CYP3A43: variants seen among roughly 807,000 people sequenced by gnomAD.
CYP3A43 encodes cytochrome P450 3A43.
In CYP3A43, 45 loss-of-function variants were observed where a neutral mutation model predicts 58.0. That is an observed-to-expected ratio of 0.78 (90% CI 0.61 to 0.99). The LOEUF (loss-of-function observed/expected upper bound fraction) is 0.99, where lower values mean the gene tolerates loss of function less well. Among genes scored for constraint, CYP3A43 ranks in the 50% least tolerant of loss-of-function variants. CYP3A43 has a pLI of 0.00. For missense variants in CYP3A43, 593 were observed against 591.9 expected (o/e 1.00, Z -0.02); for synonymous variants, 191 against 201.4 (o/e 0.95, Z 0.44).
chr7:99,846,203 T>G (rs1330228380), intron 4 of CYP3A43, among the ~76,000 whole-genome samples: 1 of 152,258 alleles, frequency 6.6e-6, no homozygotes, highest in Non-Finnish European at 1.5e-5. Flanking sequence ...TTTACTACAT[T>G]GAGTCTTTCA....
chr7:99,847,934 T>G (rs563997581), intron 5 of CYP3A43: 1 of 555,546 alleles, frequency 1.8e-6, no homozygotes, highest in Non-Finnish European at 3.2e-6. Context: ...ATTGTTTGAA[T>G]CTAGAGGCGG....
Position 99,847,568 on chromosome 7 carries a change from A to G in CYP3A43, c.399A>G (p.Leu133=). 1 of 1,614,046 alleles carries G rather than the reference A, an allele frequency of 6.2e-7. No homozygotes were observed. The highest frequency in any genetic ancestry group is 8.5e-7 in the Non-Finnish European group (1 of 1,179,954). ...AATGGAAGAGAATACGAACATTGCT[A>G]TCTCCAGCTTTCACCAGTGTAAAAT... is the stretch of plus-strand genomic sequence containing the variant. ...DEEWKRIRTL[L]SPAFTSVKFK... is the part of the protein sequence containing the mutation. The change falls in exon 5 of 13, where the codon CTA becomes CTG. Residue 133 remains leucine (L), a synonymous_variant. Transcript: ENST00000354829.
In CYP3A43 at chr7:99,859,952, A is replaced by G; in HGVS notation, c.988A>G (p.Lys330Glu). The G allele has an allele frequency of 6.2e-7, 1 of 1,612,676 alleles. No individual in the cohort carries two copies. Among genetic ancestry groups the G allele is most frequent in the Non-Finnish European group, 8.5e-7 (1 of 1,179,370 alleles). ...ELATHPDVQQ[K>E]LQEEIDAVLP... is the part of the protein sequence containing the mutation. ...GGCCACTCACCCTGATGTCCAGCAG[A>G]AACTGCAGGAGGAGATTGACGCAGT... Residue 330 changes from lysine to glutamate, a missense_variant, in exon 10 of 13, where the codon AAA becomes GAA. Coordinates refer to ENST00000354829, the MANE Select transcript of CYP3A43 (RefSeq NM_057095.3).
intron 4 of CYP3A43, among the ~76,000 whole-genome samples, chr7:99,846,557 A>G (rs981027459): frequency 1.3e-5 from 2 of 152,158 alleles, no homozygotes; most frequent in African/African-American, 4.8e-5. Context: ...CTTGCCGTCC[A>G]ATCTGTATGC....
At chr7:99,838,946 C>A in intron 2 of CYP3A43, 174 bp from the exon 3 acceptor site, 1 of 748,570 alleles carries the variant, frequency 1.3e-6, no homozygotes, top group Non-Finnish European at 2.1e-6. Context: ...CACCATTGCA[C>A]TCCAGCCTGG....
Position 99,863,517 on chromosome 7 carries a change from ATG to A in CYP3A43, c.1254-18_1254-17del. On this transcript the variant is annotated intron_variant, in intron 11 of 12. Transcript: ENST00000354829. ...TTTTATGTTTCATTAACTAGTTTTT[ATG>A]TACTACTGTGAAAGTAGGTTCAGTA... 6.4e-7 allele frequency: 1 copy of A among 1,568,468 alleles called. No individual in the cohort carries two copies. The highest frequency in any genetic ancestry group is 8.6e-7 in the Non-Finnish European group (1 of 1,158,584).
At chr7:99,864,747 T>A (rs1467554231) in intron 12 of CYP3A43, among the ~76,000 whole-genome samples, 1 of 148,684 alleles carries the variant, frequency 6.7e-6, no homozygotes, top group Admixed American at 6.6e-5. Context: ...TGATTTGGAG[T>A]TCTTGGATAC....
intron 3 of CYP3A43, among the ~76,000 whole-genome samples, chr7:99,840,561 G>T (rs1197613218): frequency 6.6e-6 from 1 of 152,154 alleles, no homozygotes; most frequent in Non-Finnish European, 1.5e-5. Context: ...CACATGTAAA[G>T]TGCAGGTTCG....
At chr7:99,849,917 T>A (rs1584223387) in intron 7 of CYP3A43, 5 of 593,006 alleles carry the variant, frequency 8.4e-6, no homozygotes, top group South Asian at 6.6e-5. Flanking sequence ...AGAAACCACA[T>A]ACCATTTAAC....
At chr7:99,844,114 T>G in intron 3 of CYP3A43, 29 bp from the exon 4 acceptor site, 1 of 1,579,360 alleles carries the variant, frequency 6.3e-7, no homozygotes, top group Non-Finnish European at 8.6e-7. Context: ...GCAAGCGAGG[T>G]TTAGTCAGCT....
chr7:99,840,381 A>G (rs537399436), intron 3 of CYP3A43, among the ~76,000 whole-genome samples: 63 of 152,338 alleles, frequency 4.1e-4, no homozygotes, highest in African/African-American at 1.5e-3. Context: ...AGCTTATCAC[A>G]GGTACAGAAT....
In CYP3A43 at chr7:99,863,630, C is replaced by A. The variant is rs1285646350; in HGVS notation, c.1347C>A (p.Leu449=). The part of the protein sequence containing the change: ...PRNCIGMRFA[L]TNIKLAVIRA... The stretch of plus-strand genomic sequence containing the variant: ...ACTGCATTGGCATGAGGTTTGCTCT[C>A]ACAAACATAAAACTTGCTGTCATTA... The change falls in exon 12 of 13, where the codon CTC becomes CTA. Residue 449 remains leucine (L), a synonymous_variant. Transcript: ENST00000354829. 8 of 1,613,780 alleles carry A rather than the reference C, an allele frequency of 5.0e-6. No homozygotes were observed. The highest frequency in any genetic ancestry group is 6.8e-6 in the Non-Finnish European group (8 of 1,179,874).
chr7:99,841,651 C>T (rs1817338164), intron 3 of CYP3A43, among the ~76,000 whole-genome samples: 1 of 152,166 alleles, frequency 6.6e-6, no homozygotes, highest in Non-Finnish European at 1.5e-5. Flanking sequence ...CCCGCCTTGG[C>T]CTCCCAAAGT....
chr7:99,845,969 GT>G (rs1817531040), intron 4 of CYP3A43, among the ~76,000 whole-genome samples: 1 of 151,828 alleles, frequency 6.6e-6, no homozygotes, highest in South Asian at 2.1e-4. Context: ...TAGATACGGG[GT>G]TTCGCCATGT....
rs896927982 is a variant in CYP3A43 at position 99,865,070 on chromosome 7, G to A, written c.1417-836G>A. On this transcript the variant is annotated intron_variant, in intron 12 of 12. Coordinates refer to ENST00000354829, the MANE Select transcript of CYP3A43 (RefSeq NM_057095.3). The stretch of plus-strand genomic sequence containing the variant: ...TCTTATTTGTGGCTTTAGGGAAGCT[G>A]TACATCCATCCTCTAAGTGTGTACA... Among the ~76,000 whole-genome samples the A allele has an allele frequency of 4.5e-4, 67 of 148,436 alleles. 12 individuals are homozygous for A. The highest frequency in any genetic ancestry group is 1.7e-3 in the African/African-American group (64 of 37,928).
At position 99,836,993 on chromosome 7, in the gene CYP3A43, C is replaced by T. The variant is rs1817109947; in HGVS notation, c.165+447C>T. 2.6e-5 allele frequency among the ~76,000 whole-genome samples: 4 copies of T among 152,152 alleles called. No homozygotes were observed. The South Asian group carries it at 8.3e-4, about 32-fold the overall frequency. ...GCTTTAGTAAGCTTTTGTTTCCTTC[C>T]TCCTGTAGAGCTTTGAAAATTCAGT... On this transcript the variant is annotated intron_variant, in intron 2 of 12. Transcript: ENST00000354829.
intron 7 of CYP3A43, among the ~76,000 whole-genome samples, chr7:99,850,281 T>C (rs1176275137): frequency 2.0e-5 from 3 of 151,356 alleles, no homozygotes; most frequent in Non-Finnish European, 4.4e-5. Context: ...TTTCTTTTTT[T>C]AAACAGAGTC....
chr7:99,858,892 T>C (rs1201230091), intron 9 of CYP3A43, among the ~76,000 whole-genome samples: 2 of 151,968 alleles, frequency 1.3e-5, no homozygotes, highest in African/African-American at 4.8e-5. Flanking sequence ...GAGATGGGGT[T>C]TCACCATGTT....
At chr7:99,862,030 A>G (rs182543397) in intron 11 of CYP3A43, among the ~76,000 whole-genome samples, 191 bp downstream of exon 11, 76 of 152,084 alleles carry the variant, frequency 5.0e-4, no homozygotes, top group Admixed American at 2.1e-3. Context: ...CTCATTAACT[A>G]TGTAATGCCT....
Sources: gnomAD v4.1 joint callset for allele counts (sites outside exome capture counted in the v4.1 genomes callset) on GRCh38, gnomAD v4.1.1 for gene constraint, MANE v1.5 for transcripts, NCBI Gene and HGNC (gene_info 2026-07-23, HGNC 2026-07-21) for gene names.